The following CCDC14 variants were observed in gnomAD, a reference collection of about 807,000 sequenced individuals.
The protein encoded by CCDC14 is coiled-coil domain-containing protein 14.
CCDC14 carries 71 observed loss-of-function variants against 81.4 expected under a neutral mutation model. That is an observed-to-expected ratio of 0.87 (90% CI 0.72 to 1.06). The LOEUF is 1.06. Among genes scored for constraint, CCDC14 ranks in the 50% least tolerant of loss-of-function variants. CCDC14 has a pLI of 0.00. For synonymous variants in CCDC14, 332 were observed against 364.8 expected (o/e 0.91, Z 1.03); for missense variants, 1,046 against 1,047.3 (o/e 1.00, Z 0.02).
rs2036812647 is a variant in CCDC14, at chr3:123,948,699, C to A, written c.676G>T (p.Val226Phe). The change falls in exon 7 of 13, where the codon GTT (valine) becomes TTT (phenylalanine). Residue 226 changes from valine to phenylalanine, a missense_variant. By Grantham distance (50) the Val-to-Phe change is conservative. Coordinates refer to ENST00000409697, the MANE Select transcript of CCDC14 (RefSeq NM_001366335.1). ...ATAAGAACTGTACGCACAGAATGAA[C>A]CTTTGGAGGGCAGGGTGGCCGCTGA... Reference protein sequence around the residue: ...SLQRPPCPPKVHSEVQTDGNS... With the variant: ...SLQRPPCPPKFHSEVQTDGNS... 1 of 1,599,004 alleles carries A rather than the reference C, an allele frequency of 6.3e-7. No homozygotes were observed. The highest frequency in any genetic ancestry group is 8.5e-7 in the Non-Finnish European group (1 of 1,175,778).
chr3:123,927,712 T>C (rs955522127), intron 12 of CCDC14, among the ~76,000 whole-genome samples: 1 of 152,160 alleles, frequency 6.6e-6, no homozygotes, highest in African/African-American at 2.4e-5. Flanking sequence ...TATCTAATAT[T>C]CTAGACAGGG....
In CCDC14 at chr3:123,931,325, A is replaced by G. The variant is rs2035692875; in HGVS notation, c.1628T>C (p.Ile543Thr). The G allele has an allele frequency of 2.0e-6, 3 of 1,523,814 alleles. No individual in the cohort carries two copies. The highest frequency in any genetic ancestry group is 2.7e-6 in the Non-Finnish European group (3 of 1,121,826). 94.4% of individuals were successfully genotyped at this position (1,523,814 alleles called of 1,614,324 possible). The stretch of plus-strand genomic sequence containing the variant: ...ATACGTACCAATTTTTATTCTTGTT[A>G]TCTCAATATCATATTGCTGTTTATT... ...LENKQQYDIEITRIKIELEEA... is the reference protein window; with the variant it reads ...LENKQQYDIETTRIKIELEEA... Residue 543 changes from isoleucine (I) to threonine (T), a missense_variant, in exon 11 of 13, where the codon ATA (isoleucine) becomes ACA (threonine). Ile to Thr is a moderately conservative substitution (Grantham distance 89). Coordinates refer to ENST00000409697, the MANE Select transcript of CCDC14 (RefSeq NM_001366335.1).
At chr3:123,935,763 G>T (rs927367345) in intron 9 of CCDC14, among the ~76,000 whole-genome samples, 3 of 152,210 alleles carry the variant, frequency 2.0e-5, no homozygotes, top group Admixed American at 6.5e-5. Flanking sequence ...GTATGTCCCT[G>T]GTCAGATTCT....
At position 123,931,499 on chromosome 3, in the gene CCDC14, G is replaced by C; in HGVS notation, c.1454C>G (p.Ser485Ter). 1 of 1,565,054 alleles carries C rather than the reference G, an allele frequency of 6.4e-7. No individual in the cohort carries two copies. The highest frequency in any genetic ancestry group is 8.7e-7 in the Non-Finnish European group (1 of 1,153,306). ...TGACTCCTCCAATTGATTTTGCAGT[G>C]ACATATTCAATGACTGAAGAGAAAA... Reference protein sequence around the residue: ...ELFSLQSLNMSLQNQLEESLK... With the variant: ...ELFSLQSLNM Residue 485 changes from serine (S) to a stop codon, truncating the protein, a stop_gained, in exon 11 of 13, where the codon TCA becomes TGA. Transcript: ENST00000409697. LOFTEE classifies it high-confidence loss of function.
chr3:123,906,773 T>C (rs891872448), intron 5 of CCDC14, among the ~76,000 whole-genome samples: 7 of 152,182 alleles, frequency 4.6e-5, no homozygotes, highest in African/African-American at 1.4e-4. Context: ...GAGGCAATAG[T>C]GTAGTAAGTA....
intron 5 of CCDC14, among the ~76,000 whole-genome samples, chr3:123,903,300 ACACAC>A (rs2034217553): frequency 7.4e-5 from 1 of 13,576 alleles, no homozygotes; most frequent in African/African-American, 1.8e-4. Flanking sequence ...TTTTTCAAAC[ACACAC>A]ACACACACAC....
chr3:123,918,568 G>C (rs895479081), intron 12 of CCDC14, among the ~76,000 whole-genome samples: 21 of 152,230 alleles, frequency 1.4e-4, no homozygotes, highest in South Asian at 4.1e-4. Context: ...AGGGTTAAAA[G>C]GAACAGTTTC....
intron 1 of CCDC14, among the ~76,000 whole-genome samples, chr3:123,960,146 C>T (rs1001817468): frequency 6.6e-6 from 1 of 152,206 alleles, no homozygotes; most frequent in African/African-American, 2.4e-5. Flanking sequence ...TTTACACTTA[C>T]TTCTACGAGG....
intron 9 of CCDC14, among the ~76,000 whole-genome samples, chr3:123,943,588 C>A (rs954300306): frequency 6.6e-6 from 1 of 152,148 alleles, no homozygotes; most frequent in African/African-American, 2.4e-5. Context: ...AAGGAATGCT[C>A]CCCAGAGAGG....
intron 9 of CCDC14, among the ~76,000 whole-genome samples, chr3:123,937,680 T>G (rs1345147999): frequency 6.6e-6 from 1 of 151,906 alleles, no homozygotes; most frequent in African/African-American, 2.4e-5. Flanking sequence ...GAAGTCCACT[T>G]TACTCATTTT....
intron 12 of CCDC14, among the ~76,000 whole-genome samples, chr3:123,919,590 G>A (rs1230316450): frequency 2.6e-5 from 4 of 152,322 alleles, no homozygotes; most frequent in South Asian, 4.1e-4. Flanking sequence ...ACTGGTTGAC[G>A]GAGCACAGCC....
intron 12 of CCDC14, 104 bp from the exon 13 acceptor site, chr3:123,915,822 G>T: frequency 1.2e-6 from 1 of 851,860 alleles, no homozygotes; most frequent in Non-Finnish European, 1.7e-6. Context: ...AGAAGTGTCT[G>T]GTTCTTAATA....
chr3:123,893,313 A>G (rs563572191), downstream of CCDC14, among the ~76,000 whole-genome samples: 27 of 152,272 alleles, frequency 1.8e-4, no homozygotes, highest in Middle Eastern at 6.8e-3. Context: ...GATACCCCAT[A>G]TAAGTGTAAT....
intron 9 of CCDC14, among the ~76,000 whole-genome samples, chr3:123,943,363 C>G (rs1398626196): frequency 1.3e-5 from 2 of 152,010 alleles, no homozygotes; most frequent in Non-Finnish European, 2.9e-5. Context: ...AGAAGCAGGC[C>G]TCAGAAAACA....
intron 12 of CCDC14, among the ~76,000 whole-genome samples, chr3:123,930,330 T>A (rs1165465978): frequency 2.6e-5 from 4 of 152,200 alleles, no homozygotes. Context: ...ACAAGGAAGA[T>A]TATTTTATAT....
chr3:123,956,183 A>C, intron 3 of CCDC14, 68 bp from the exon 4 acceptor site: 1 of 1,400,306 alleles, frequency 7.1e-7, no homozygotes, highest in Non-Finnish European at 9.6e-7. Context: ...AATATAAATT[A>C]TGTAGTTTTA....
At chr3:123,930,196 A>G (rs1323658270) in intron 12 of CCDC14, among the ~76,000 whole-genome samples, 2 of 152,222 alleles carry the variant, frequency 1.3e-5, no homozygotes, top group Non-Finnish European at 2.9e-5. Context: ...TTTCAAATAC[A>G]TTTATAAAAC....
At chr3:123,920,931 AAG>A (rs1213208669) in intron 12 of CCDC14, among the ~76,000 whole-genome samples, 3 of 152,218 alleles carry the variant, frequency 2.0e-5, no homozygotes, top group African/African-American at 7.2e-5. Context: ...TAAAATGTGT[AAG>A]AGGGGAGTAA....
the CCDC14 span, among the ~76,000 whole-genome samples, chr3:123,890,330 C>T: frequency 3.3e-5 from 5 of 152,258 alleles, no homozygotes; most frequent in South Asian, 2.1e-4. Flanking sequence ...CCCAATAGCC[C>T]GCCAAAATCT....
Sources: allele counts gnomAD v4.1 joint callset (sites outside exome capture counted in the v4.1 genomes callset), GRCh38; gene constraint gnomAD v4.1.1; transcripts MANE v1.5; gene names NCBI Gene and HGNC (gene_info 2026-07-23, HGNC 2026-07-21).